Variants in INTU observed in about 807,000 individuals in gnomAD.
INTU encodes protein inturned.
A neutral mutation model predicts 100.5 loss-of-function variants in INTU; 68 were observed. The observed-to-expected ratio is 0.68, with a 90% confidence interval of 0.56 to 0.83. The LOEUF (loss-of-function observed/expected upper bound fraction) is 0.83. Among genes scored for constraint, INTU ranks in the 40% least tolerant of loss-of-function variants. The probability of loss-of-function intolerance (pLI) is 0.00; values close to 1 mark genes in which losing one functional copy is unlikely to be tolerated. For missense variants in INTU, 1,071 were observed against 1,114.7 expected, an observed-to-expected ratio of 0.96 and a Z score of 0.56; for synonymous variants, 357 against 395.7, an observed-to-expected ratio of 0.90 and a Z score of 1.16.
At chr4:127,672,896 G>A (rs1041702981) in intron 5 of INTU, among the ~76,000 whole-genome samples, 5 of 152,118 alleles carry the variant, frequency 3.3e-5, no homozygotes, top group Non-Finnish European at 5.9e-5. Context: ...CTTCACTGAA[G>A]TATAATGAAG....
At position 127,656,716 on chromosome 4, in the gene INTU, A is replaced by G; in HGVS notation, c.763A>G (p.Met255Val). ...AGTTCTGTCTTGCATTCCTGGACCT[A>G]TGCAGGTATGGACATTCTTTTTCTA... Reference protein sequence around the residue: ...ERVLSCIPGPMQVKLTFENAY... With the variant: ...ERVLSCIPGPVQVKLTFENAY... The change falls in exon 3 of 16, where the codon ATG (methionine) becomes GTG (valine). Residue 255 changes from methionine to valine, a missense_variant. Physicochemically the swap from Met to Val is conservative, Grantham distance 21. Coordinates refer to ENST00000335251, the MANE Select transcript of INTU (RefSeq NM_015693.4). 1 of 1,585,970 alleles carries G rather than the reference A, an allele frequency of 6.3e-7. No homozygotes were observed. Among genetic ancestry groups the G allele is most frequent in the Non-Finnish European group, 8.6e-7 (1 of 1,156,146 alleles).
intron 8 of INTU, 77 bp from the exon 9 acceptor site, chr4:127,699,933 T>G: frequency 9.3e-7 from 1 of 1,078,124 alleles, no homozygotes; most frequent in Non-Finnish European, 1.3e-6. Context: ...ATTAAGCACT[T>G]TTTATATGGC....
chr4:127,713,923 T>A lies in INTU; in HGVS notation c.2560-13T>A, dbSNP rs181887432. ...AATACCAGTTAATACTAACAATACC[T>A]ATTAATTTACAGAAAAAGAAAGGAC... On this transcript the variant is annotated splice_polypyrimidine_tract_variant and intron_variant, in intron 14 of 15. Coordinates refer to ENST00000335251, the MANE Select transcript of INTU (RefSeq NM_015693.4). 1.9e-6 allele frequency: 3 copies of A among 1,571,424 alleles called. No individual in the cohort carries two copies. Among genetic ancestry groups the A allele is most frequent in the Non-Finnish European group, 2.6e-6 (3 of 1,148,866 alleles).
At chr4:127,713,264 G>A (rs1731154280) in intron 14 of INTU, among the ~76,000 whole-genome samples, 1 of 152,098 alleles carries the variant, frequency 6.6e-6, no homozygotes, top group Admixed American at 6.6e-5. Context: ...AATGATTATG[G>A]CTTCTGGACT....
At chr4:127,685,892 G>A (rs1245043422) in intron 7 of INTU, 1 of 152,522 alleles carries the variant, frequency 6.6e-6, no homozygotes, top group Non-Finnish European at 1.5e-5. Context: ...ATTGATAGTG[G>A]AAGTATCTTT....
At chr4:127,703,381 A>G (rs1169721523) in intron 9 of INTU, among the ~76,000 whole-genome samples, 1 of 152,198 alleles carries the variant, frequency 6.6e-6, no homozygotes, top group Non-Finnish European at 1.5e-5. Context: ...ACCTTCGCTT[A>G]TCCCTTTCTC....
At chr4:127,692,688 T>C (rs184617602) in intron 8 of INTU, among the ~76,000 whole-genome samples, 3 of 152,254 alleles carry the variant, frequency 2.0e-5, no homozygotes, top group Admixed American at 2.0e-4. Flanking sequence ...GTTTTTCCAA[T>C]GTTATCTTCT....
chr4:127,649,791 C>T (rs997946726), intron 2 of INTU, among the ~76,000 whole-genome samples: 2 of 152,090 alleles, frequency 1.3e-5, no homozygotes, highest in African/African-American at 4.8e-5. Context: ...GAGTGCCTGG[C>T]ACACATTAAG....
chr4:127,680,782 T>C (rs1403477761), intron 6 of INTU, among the ~76,000 whole-genome samples: 4 of 149,974 alleles, frequency 2.7e-5, no homozygotes, highest in Admixed American at 6.7e-5. Flanking sequence ...AAATAAAGGG[T>C]ATTCAATTAG....
intron 4 of INTU, among the ~76,000 whole-genome samples, chr4:127,668,658 C>T (rs1344059644): frequency 2.0e-5 from 3 of 151,278 alleles, no homozygotes; most frequent in Non-Finnish European, 4.4e-5. Flanking sequence ...GCTATGTAAC[C>T]ACAGGGGACG....
At chr4:127,698,132 T>C (rs984185255) in intron 8 of INTU, among the ~76,000 whole-genome samples, 8 of 151,918 alleles carry the variant, frequency 5.3e-5, no homozygotes, top group African/African-American at 1.9e-4. Flanking sequence ...AAAAGAAATC[T>C]AGTTAAAAAC....
chr4:127,672,695 A>G (rs1316212305), intron 5 of INTU, among the ~76,000 whole-genome samples: 1 of 152,068 alleles, frequency 6.6e-6, no homozygotes, highest in Non-Finnish European at 1.5e-5. Context: ...CTATAGTAAT[A>G]TTAGTATACT....
Position 127,706,782 on chromosome 4 carries a change from C to A in INTU, c.2084C>A (p.Thr695Lys). ...KVATSPTCRR[T>K]LFGDYSLKTR... The stretch of plus-strand genomic sequence containing the variant: ...GCAACTTCTCCAACATGCAGAAGAA[C>A]GCTTTTTGGTGACTATTCCTTAAAG... The change falls in exon 12 of 16, where the codon ACG (threonine) becomes AAG (lysine). Residue 695 changes from threonine (T) to lysine (K), a missense_variant. By Grantham distance (78) the Thr-to-Lys change is moderately conservative (BLOSUM62 -1). Coordinates refer to ENST00000335251, the MANE Select transcript of INTU (RefSeq NM_015693.4). The A allele has an allele frequency of 1.2e-6, 2 of 1,614,048 alleles. No homozygotes were observed. Among genetic ancestry groups the A allele is most frequent in the Non-Finnish European group, 1.7e-6 (2 of 1,179,946 alleles).
chr4:127,671,570 T>C (rs951526788), intron 5 of INTU, among the ~76,000 whole-genome samples: 3 of 151,988 alleles, frequency 2.0e-5, no homozygotes, highest in Non-Finnish European at 4.4e-5. Flanking sequence ...CTCAAAAAAC[T>C]AAAAATAGAA....
intron 2 of INTU, among the ~76,000 whole-genome samples, chr4:127,655,898 G>A (rs959797991): frequency 5.3e-5 from 8 of 152,286 alleles, no homozygotes; most frequent in East Asian, 3.9e-4. Context: ...AGGACCCTCC[G>A]AGCCAGGTGC....
intron 13 of INTU, among the ~76,000 whole-genome samples, chr4:127,709,100 C>T (rs1177788445): frequency 1.3e-5 from 2 of 152,196 alleles, no homozygotes; most frequent in Non-Finnish European, 2.9e-5. Context: ...CTCCCCTAGC[C>T]GTGTCCTACA....
intron 7 of INTU, chr4:127,686,730 T>C (rs1729844125): frequency 6.6e-6 from 1 of 152,246 alleles, no homozygotes; most frequent in African/African-American, 2.4e-5. Flanking sequence ...TTTTACTTTT[T>C]GTTCATTTGC....
chr4:127,652,012 T>C (rs1388810556), intron 2 of INTU, among the ~76,000 whole-genome samples: 9 of 147,638 alleles, frequency 6.1e-5, no homozygotes. Context: ...ATGATTTGGC[T>C]CTCTGTTTGT....
At position 127,669,322 on chromosome 4, in the gene INTU, A is replaced by G. The variant is rs57736915; in HGVS notation, c.1091+168A>G. On this transcript the variant is annotated intron_variant, in intron 5 of 15. Coordinates refer to ENST00000335251, the MANE Select transcript of INTU (RefSeq NM_015693.4). ...TGTATATACACGTATATATCTATAC[A>G]TTATAGATAACGAGCTCTGCAGAAT... Among the ~76,000 whole-genome samples, 2,662 of 151,918 alleles carry G rather than the reference A, an allele frequency of 0.018. 69 individuals are homozygous for G. Among genetic ancestry groups the G allele is most frequent in the African/African-American group, 0.06 (2,509 of 41,522 alleles).
Sources: gnomAD v4.1 joint callset for allele counts (sites outside exome capture counted in the v4.1 genomes callset) on GRCh38, gnomAD v4.1.1 for gene constraint, MANE v1.5 for transcripts, NCBI Gene and HGNC (gene_info 2026-07-23, HGNC 2026-07-21) for gene names.